Variants in FUT8 observed in about 807,000 individuals in gnomAD.
FUT8 encodes fucosyltransferase 8.
Under a neutral mutation model 71.3 loss-of-function variants are expected in FUT8, and 29 were observed. That is an observed-to-expected ratio of 0.41 (90% CI 0.30 to 0.55). The LOEUF is 0.55. Among genes scored for constraint, FUT8 ranks in the 20% least tolerant of loss-of-function variants. The probability of loss-of-function intolerance (pLI) is 0.34; values close to 1 mark genes in which losing one functional copy is unlikely to be tolerated. For synonymous variants in FUT8, 254 were observed against 239.3 expected (o/e 1.06, Z -0.57); for missense variants, 544 against 702.1 (o/e 0.77, Z 2.55).
rs1885220088 is a variant in FUT8 at position 65,550,362 on chromosome 14, C to T, written c.-227-10975C>T. On this transcript the variant is annotated intron_variant, in intron 2 of 10. Transcript: ENST00000673929. The surrounding 1 kb of genome is among the most constrained non-coding windows in gnomAD (Gnocchi z 4.5). ...AATCTGAACATCATAGCTTAGCCTA[C>T]CTTAAATGTGCCCAGAACACTTATA... Among the ~76,000 whole-genome samples, 1 of 152,148 alleles carries T rather than the reference C, an allele frequency of 6.6e-6. No homozygotes were observed. Among genetic ancestry groups the T allele is most frequent in the Admixed American group, 6.5e-5 (1 of 15,278 alleles).
At chr14:65,611,344 A>G (rs1243397997) in intron 3 of FUT8, among the ~76,000 whole-genome samples, 8 of 147,994 alleles carry the variant, frequency 5.4e-5, no homozygotes, top group African/African-American at 2.1e-4. Flanking sequence ...GGCCTATAAA[A>G]CCGAAAATAT....
chr14:65,360,942 G>A, the FUT8 span, among the ~76,000 whole-genome samples: 1 of 152,096 alleles, frequency 6.6e-6, no homozygotes, highest in African/African-American at 2.4e-5. Context: ...AAATGGGGAT[G>A]GTAAATGCTG....
Position 65,491,659 on chromosome 14 carries a change from G to A in FUT8, c.-228+35941G>A, listed in dbSNP as rs188897450. Among the ~76,000 whole-genome samples, 181 of 152,202 alleles carry A rather than the reference G, an allele frequency of 1.2e-3. 1 individual carries two copies. Among genetic ancestry groups the A allele is most frequent in the African/African-American group, 4.1e-3 (171 of 41,538 alleles). On this transcript the variant is annotated intron_variant, in intron 2 of 10. Transcript: ENST00000673929. ...GAATTGATTTATAGGTATGAGGAAA[G>A]GTAGCAGGTAAAATGTGATATGGAA... is the stretch of plus-strand genomic sequence containing the variant.
chr14:65,502,022 C>T (rs1195227870), intron 2 of FUT8, among the ~76,000 whole-genome samples: 1 of 151,680 alleles, frequency 6.6e-6, no homozygotes, highest in East Asian at 1.9e-4. Context: ...GCAGTCCTCT[C>T]ACCTCAGCCA....
intron 2 of FUT8, among the ~76,000 whole-genome samples, chr14:65,468,665 T>C (rs2066086029): frequency 6.6e-6 from 1 of 152,182 alleles, no homozygotes; most frequent in Admixed American, 6.5e-5. Context: ...TATTTTGGTA[T>C]TTATCTTGCT....
intron 1 of FUT8, among the ~76,000 whole-genome samples, chr14:65,437,544 G>A (rs755902240): frequency 1.3e-5 from 2 of 152,236 alleles, no homozygotes; most frequent in East Asian, 1.9e-4. Flanking sequence ...TTTGAAATAC[G>A]TCACCTAATG....
intron 2 of FUT8, among the ~76,000 whole-genome samples, chr14:65,552,080 A>G (rs1464567263): frequency 6.6e-6 from 1 of 152,198 alleles, no homozygotes; most frequent in Non-Finnish European, 1.5e-5. Context: ...TTTTCAAATT[A>G]TAGTATTATA....
intron 2 of FUT8, among the ~76,000 whole-genome samples, chr14:65,475,143 A>G (rs2066216977): frequency 6.6e-6 from 1 of 152,002 alleles, no homozygotes; most frequent in Admixed American, 6.6e-5. Flanking sequence ...CAACAAGCGT[A>G]GTTAACAACT....
the FUT8 span, among the ~76,000 whole-genome samples, chr14:65,366,656 A>G: frequency 0.022 from 3,346 of 152,234 alleles, 103 homozygotes; most frequent in South Asian, 0.15. Context: ...TAAAAGGCCT[A>G]CCTCATCTAA....
At chr14:65,583,593 C>T (rs1887202902) in intron 3 of FUT8, among the ~76,000 whole-genome samples, 1 of 151,296 alleles carries the variant, frequency 6.6e-6, no homozygotes, top group South Asian at 2.1e-4. Flanking sequence ...ACCTTATGGG[C>T]TCTAGGCAAC....
At chr14:65,498,559 T>C (rs537121966) in intron 2 of FUT8, among the ~76,000 whole-genome samples, 8 of 152,324 alleles carry the variant, frequency 5.3e-5, no homozygotes, top group Non-Finnish European at 8.8e-5. Flanking sequence ...TTAGTAATGC[T>C]CTGCTTTAAA....
chr14:65,505,194 C>G (rs1363085695), intron 2 of FUT8, among the ~76,000 whole-genome samples: 1 of 150,470 alleles, frequency 6.6e-6, no homozygotes, highest in Admixed American at 6.6e-5. Context: ...CCTGATTAGT[C>G]TTAATTTTTT....
intron 3 of FUT8, among the ~76,000 whole-genome samples, chr14:65,612,809 A>C (rs1889068462): frequency 1.3e-5 from 2 of 152,206 alleles, no homozygotes; most frequent in Admixed American, 1.3e-4. Context: ...TCATTGTTTA[A>C]TACATCTAAC....
At chr14:65,493,769 C>G (rs1183106932) in intron 2 of FUT8, among the ~76,000 whole-genome samples, 1 of 151,696 alleles carries the variant, frequency 6.6e-6, no homozygotes. Flanking sequence ...TAGGGATAAC[C>G]TTGGAGGCCT....
chr14:65,602,015 A>T (rs1888313608), intron 3 of FUT8, among the ~76,000 whole-genome samples: 1 of 151,868 alleles, frequency 6.6e-6, no homozygotes, highest in Non-Finnish European at 1.5e-5. Context: ...TTTGGAGGAC[A>T]GGTGGTATTC....
intron 7 of FUT8, among the ~76,000 whole-genome samples, chr14:65,707,287 C>T (rs1046602544): frequency 6.6e-6 from 1 of 152,044 alleles, no homozygotes; most frequent in African/African-American, 2.4e-5. Flanking sequence ...ATCTGTTGAC[C>T]GTTAGTATCT....
chr14:65,380,700 T>C, the FUT8 span, among the ~76,000 whole-genome samples: 3 of 152,224 alleles, frequency 2.0e-5, no homozygotes, highest in Admixed American at 6.5e-5. Context: ...GCTGGTCATG[T>C]TTCTTGCCTT....
At chr14:65,378,837 GTTTTTTTTTTT>G in the FUT8 span, among the ~76,000 whole-genome samples, 9 of 66,832 alleles carry the variant, frequency 1.3e-4, no homozygotes, top group African/African-American at 2.3e-4. Flanking sequence ...TCACAAGAAG[GTTTTTTTTTTT>G]TTTTTTTTTT....
chr14:65,630,112 A>G (rs1890108652), intron 6 of FUT8, among the ~76,000 whole-genome samples: 1 of 152,178 alleles, frequency 6.6e-6, no homozygotes, highest in Non-Finnish European at 1.5e-5. Flanking sequence ...TAAGTGTGGC[A>G]GTTCAGTTTG....
Sources: allele counts gnomAD v4.1 joint callset (sites outside exome capture counted in the v4.1 genomes callset), GRCh38; gene constraint gnomAD v4.1.1; non-coding constraint Gnocchi (gnomAD v3.1); transcripts MANE v1.5; gene names NCBI Gene and HGNC (gene_info 2026-07-23, HGNC 2026-07-21).